ZFAT: variants seen among roughly 807,000 people sequenced by gnomAD.
The protein encoded by ZFAT is zinc finger protein ZFAT.
In ZFAT, 64 loss-of-function variants were observed where a neutral mutation model predicts 117.7. That is an observed-to-expected ratio of 0.54 (90% CI 0.44 to 0.67). The LOEUF is 0.67. Among genes scored for constraint, ZFAT ranks in the 30% least tolerant of loss-of-function variants. The pLI is 0.00. For missense variants in ZFAT, 1,433 were observed against 1,584.5 expected, an observed-to-expected ratio of 0.90 and a Z score of 1.62; for synonymous variants, 679 against 615.0, an observed-to-expected ratio of 1.10 and a Z score of -1.54.
intron 1 of ZFAT, among the ~76,000 whole-genome samples, chr8:134,710,705 G>A (rs1010274675): frequency 6.6e-6 from 1 of 152,166 alleles, no homozygotes; most frequent in African/African-American, 2.4e-5. Context: ...TGTTTGATGT[G>A]CACCTTATAC....
intron 11 of ZFAT, among the ~76,000 whole-genome samples, chr8:134,535,508 C>T (rs1369988574): frequency 7.3e-6 from 1 of 137,660 alleles, no homozygotes; most frequent in Admixed American, 7.3e-5. Context: ...CCTCCCTCTC[C>T]CTCCCTCTCC....
At chr8:134,609,003 G>T in intron 4 of ZFAT, 124 bp from the exon 5 acceptor site, 1 of 1,177,554 alleles carries the variant, frequency 8.5e-7, no homozygotes, top group Non-Finnish European at 1.1e-6. Flanking sequence ...ACGCAAGATA[G>T]TTTTCACTCA....
chr8:134,523,375 A>G lies in ZFAT; in HGVS notation c.3116-2374T>C, dbSNP rs914437721. Among the ~76,000 whole-genome samples, 12 of 152,120 alleles carry G rather than the reference A, an allele frequency of 7.9e-5. 1 individual carries two copies. Among genetic ancestry groups the G allele is most frequent in the Admixed American group, 3.3e-4 (5 of 15,280 alleles). On this transcript the variant is annotated intron_variant, in intron 12 of 15. Transcript: ENST00000377838. ...TAGCTCCAGCCCAGACTCCTGCCCC[A>G]AACTCCAGCCTGGGATGCCTCCCCA...
At chr8:134,674,364 G>A (rs759055771) in intron 1 of ZFAT, among the ~76,000 whole-genome samples, 6 of 152,320 alleles carry the variant, frequency 3.9e-5, no homozygotes, top group Middle Eastern at 3.4e-3. Context: ...AATTCTCACT[G>A]CTAGCACAGC....
chr8:134,481,391 GACAAACCCATCC>G (rs1394781095), intron 15 of ZFAT, among the ~76,000 whole-genome samples: 2 of 152,174 alleles, frequency 1.3e-5, no homozygotes, highest in Non-Finnish European at 2.9e-5. Flanking sequence ...AATACAGGGA[GACAAACCCATCC>G]ATGAGCTTTA....
the ZFAT span, among the ~76,000 whole-genome samples, chr8:134,724,265 A>T: frequency 6.6e-6 from 1 of 152,182 alleles, no homozygotes; most frequent in Admixed American, 6.5e-5. Flanking sequence ...AGGCAGGGAG[A>T]TGCAGTGAGC....
rs773797260 is a variant in ZFAT, at chr8:134,520,947, T to C, written c.3170A>G (p.Asn1057Ser). 12 of 1,613,836 alleles carry C rather than the reference T, an allele frequency of 7.4e-6. No individual in the cohort carries two copies. Among genetic ancestry groups the C allele is most frequent in the South Asian group, 5.5e-5 (5 of 91,074 alleles). Residue 1057 changes from asparagine to serine, a missense_variant, in exon 13 of 16, where the codon AAT becomes AGT. Around this residue, in one of 5 missense-constraint regions of ZFAT, gnomAD observed 503 missense variants for 543.4 expected, o/e 0.93. Transcript: ENST00000377838. ...SFVYGTKWEF[N>S]RHLKNKHGLK... Reference sequence around the variant, plus strand: ...GCCATGTTTGTTCTTCAAGTGCCTATTGAACTCCCATTTGGTGCCATATAC... The same window carrying C: ...GCCATGTTTGTTCTTCAAGTGCCTACTGAACTCCCATTTGGTGCCATATAC...
chr8:134,743,729 G>A, the ZFAT span, among the ~76,000 whole-genome samples: 2 of 152,194 alleles, frequency 1.3e-5, no homozygotes, highest in East Asian at 3.9e-4. Flanking sequence ...TTTGGAGATT[G>A]CTTTGCCCCA....
At chr8:134,677,740 G>A (rs1485756699) in intron 1 of ZFAT, among the ~76,000 whole-genome samples, 1 of 152,160 alleles carries the variant, frequency 6.6e-6, no homozygotes, top group African/African-American at 2.4e-5. Context: ...ACATCAAAAA[G>A]CTTGTCCACC....
chr8:134,738,381 G>T, the ZFAT span, among the ~76,000 whole-genome samples: 1 of 152,152 alleles, frequency 6.6e-6, no homozygotes, highest in Non-Finnish European at 1.5e-5. Context: ...ATCTATAAAA[G>T]AAGATGAGTA....
rs78247188 is a variant in ZFAT at position 134,481,981 on chromosome 8, A to G, written c.3493-3260T>C. ...CACCAAACCCACTGGGCAGAGTCCC[A>G]TTTTCACTCTTCCAGAGCGTTCTCT... On this transcript the variant is annotated intron_variant, in intron 15 of 15. Coordinates refer to ENST00000377838, the MANE Select transcript of ZFAT (RefSeq NM_020863.4). Among the ~76,000 whole-genome samples, 595 of 151,802 alleles carry G rather than the reference A, an allele frequency of 3.9e-3. 2 individuals carry two copies. Among genetic ancestry groups the G allele is most frequent in the African/African-American group, 0.013 (539 of 41,392 alleles).
intron 11 of ZFAT, among the ~76,000 whole-genome samples, chr8:134,547,794 T>G (rs1822810657): frequency 6.6e-6 from 1 of 152,222 alleles, no homozygotes; most frequent in South Asian, 2.1e-4. Flanking sequence ...GCTGTGATCC[T>G]TCAGCATCCT....
At chr8:134,624,085 G>A (rs546056856) in intron 3 of ZFAT, among the ~76,000 whole-genome samples, 3 of 151,988 alleles carry the variant, frequency 2.0e-5, no homozygotes, top group Admixed American at 6.6e-5. Context: ...AAGAGTAGGC[G>A]CTCGGTGCCT....
At chr8:134,764,549 TAA>T in the ZFAT span, among the ~76,000 whole-genome samples, 1 of 152,242 alleles carries the variant, frequency 6.6e-6, no homozygotes, top group East Asian at 1.9e-4. Context: ...GATAAACGTG[TAA>T]ACTTTCACAG....
chr8:134,601,422 G>A, intron 6 of ZFAT, 55 bp downstream of exon 6: 2 of 1,538,170 alleles, frequency 1.3e-6, no homozygotes, highest in Non-Finnish European at 1.8e-6. Flanking sequence ...AATGCGAGGT[G>A]ACCACAGCAT....
the ZFAT span, among the ~76,000 whole-genome samples, chr8:134,741,565 G>C: frequency 6.6e-6 from 1 of 152,116 alleles, no homozygotes; most frequent in Admixed American, 6.5e-5. Flanking sequence ...AAATGTGGAT[G>C]CTTCCCAGGA....
the ZFAT span, chr8:134,800,678 C>G: frequency 7.6e-6 from 3 of 396,620 alleles, no homozygotes; most frequent in Non-Finnish European, 1.6e-5. Context: ...AAAAAAAGAA[C>G]AGGCACAGCA....
the ZFAT span, chr8:134,766,277 CTGGACGACTAAA>C: frequency 6.6e-6 from 1 of 152,216 alleles, no homozygotes; most frequent in African/African-American, 2.4e-5. Flanking sequence ...AAACAACCTC[CTGGACGACTAAA>C]TGGTCAGATG....
intron 11 of ZFAT, among the ~76,000 whole-genome samples, chr8:134,552,437 A>G (rs748801751): frequency 6.6e-6 from 1 of 152,186 alleles, no homozygotes; most frequent in Non-Finnish European, 1.5e-5. Context: ...GGTGATTGAG[A>G]TCTCCCTTGC....
Sources: allele counts gnomAD v4.1 joint callset (sites outside exome capture counted in the v4.1 genomes callset), GRCh38; gene constraint gnomAD v4.1.1; regional missense constraint gnomAD v4.1.1; transcripts MANE v1.5; gene names NCBI Gene and HGNC (gene_info 2026-07-23, HGNC 2026-07-21).